The following UBXN7 variants were observed in gnomAD, a reference collection of about 807,000 sequenced individuals.
UBXN7 encodes the protein UBX domain protein 7, also known as UBX domain-containing protein 7.
UBXN7 carries 9 observed loss-of-function variants against 58.0 expected under a neutral mutation model. The observed-to-expected ratio is 0.16, with a 90% CI of 0.09 to 0.27. The LOEUF (loss-of-function observed/expected upper bound fraction) is 0.27. Ranked by LOEUF, UBXN7 falls within the 10% of genes least tolerant of loss-of-function variation. The pLI is 1.00. For missense variants in UBXN7, 328 were observed against 599.6 expected, an observed-to-expected ratio of 0.55 and a Z score of 4.73; for synonymous variants, 208 against 205.0, an observed-to-expected ratio of 1.01 and a Z score of -0.12.
intron 7 of UBXN7, 69 bp downstream of exon 7, chr3:196,369,352 A>G: frequency 3.3e-6 from 4 of 1,228,758 alleles, no homozygotes; most frequent in Non-Finnish European, 4.7e-6. Flanking sequence ...TCAAATATTA[A>G]AGATCAATCA....
At chr3:196,375,128 T>G (rs912461989) in intron 5 of UBXN7, among the ~76,000 whole-genome samples, 3 of 150,550 alleles carry the variant, frequency 2.0e-5, no homozygotes. Context: ...CTATACTTAA[T>G]AATATCGTAT....
At chr3:196,428,050 G>C (rs1730904581) in intron 1 of UBXN7, among the ~76,000 whole-genome samples, 1 of 152,206 alleles carries the variant, frequency 6.6e-6, no homozygotes, top group African/African-American at 2.4e-5. Flanking sequence ...CTTGAACCCA[G>C]GAGGCGGAGA....
At chr3:196,393,336 C>A (rs1729642558) in intron 4 of UBXN7, among the ~76,000 whole-genome samples, 1 of 152,152 alleles carries the variant, frequency 6.6e-6, no homozygotes, top group African/African-American at 2.4e-5. Flanking sequence ...TACCATATTT[C>A]CTACATTATC....
At chr3:196,401,703 A>C (rs2108851847) in intron 3 of UBXN7, among the ~76,000 whole-genome samples, 1 of 146,560 alleles carries the variant, frequency 6.8e-6, no homozygotes, top group Non-Finnish European at 1.5e-5. Context: ...TTGAGGCCAG[A>C]GGATCGCTTG....
intron 5 of UBXN7, among the ~76,000 whole-genome samples, chr3:196,385,931 T>C (rs1455314594): frequency 1.3e-5 from 2 of 152,134 alleles, no homozygotes; most frequent in Non-Finnish European, 2.9e-5. Context: ...TTTTGTCGAA[T>C]AGAAGGGGGG....
chr3:196,356,501 G>GA lies in UBXN7; in HGVS notation c.*183dup, dbSNP rs957812509. ...AGTGGGGAGCGAGAAAACAGAAGAG[G>GA]AGAAAGAAACAAAGGGGGAGAAAGA... On this transcript the variant is annotated 3_prime_UTR_variant, in exon 11 of 11. Transcript: ENST00000296328. 1.7e-6 allele frequency: 1 copy of GA among 596,108 alleles called. No homozygotes were observed. Among genetic ancestry groups the GA allele is most frequent in the African/African-American group, 1.9e-5 (1 of 51,596 alleles). 36.9% of individuals were successfully genotyped at this position (596,108 alleles called of 1,614,324 possible).
intron 3 of UBXN7, chr3:196,400,733 C>A: frequency 2.6e-6 from 1 of 378,764 alleles, no homozygotes; most frequent in Non-Finnish European, 5.1e-6. Context: ...GACTCCATTT[C>A]TGCAAAACAA....
chr3:196,428,935 G>C (rs796150152), intron 1 of UBXN7, among the ~76,000 whole-genome samples: 6 of 151,634 alleles, frequency 4.0e-5, no homozygotes, highest in African/African-American at 1.5e-4. Flanking sequence ...TACTGGGAGG[G>C]CTGAGGCAAG....
At chr3:196,401,296 T>TACACAC (rs1335891909) in intron 3 of UBXN7, among the ~76,000 whole-genome samples, 11 of 77,378 alleles carry the variant, frequency 1.4e-4, no homozygotes, top group South Asian at 3.8e-4. Context: ...TATATATATA[T>TACACAC]ATACACACAC....
At chr3:196,430,563 T>C (rs1730997872) in intron 1 of UBXN7, among the ~76,000 whole-genome samples, 1 of 152,008 alleles carries the variant, frequency 6.6e-6, no homozygotes, top group Non-Finnish European at 1.5e-5. Context: ...CATTTTCTTA[T>C]TTCTGTAGAG....
chr3:196,357,556 T>G (rs575885395), intron 10 of UBXN7, among the ~76,000 whole-genome samples: 15 of 152,234 alleles, frequency 9.9e-5, no homozygotes, highest in Admixed American at 7.2e-4. Context: ...GGGGACAGCT[T>G]GAGCACAGGA....
intron 1 of UBXN7, among the ~76,000 whole-genome samples, chr3:196,409,027 GATGT>G (rs1577469892): frequency 6.6e-6 from 1 of 152,206 alleles, no homozygotes; most frequent in African/African-American, 2.4e-5. Flanking sequence ...ACTCCAATTA[GATGT>G]ATGTTACAAC....
intron 5 of UBXN7, among the ~76,000 whole-genome samples, chr3:196,381,510 A>G (rs1485723083): frequency 6.6e-6 from 1 of 152,238 alleles, no homozygotes; most frequent in Non-Finnish European, 1.5e-5. Flanking sequence ...CCAAAGGTAG[A>G]TAAAACCGCA....
At chr3:196,369,083 C>T (rs1461290352) in intron 7 of UBXN7, among the ~76,000 whole-genome samples, 1 of 152,102 alleles carries the variant, frequency 6.6e-6, no homozygotes, top group Non-Finnish European at 1.5e-5. Context: ...CTCGGCCTCC[C>T]AAAGTGCTGG....
chr3:196,361,955 C>T (rs779126413), intron 9 of UBXN7, 32 bp from the exon 10 acceptor site: 37 of 1,134,602 alleles, frequency 3.3e-5, no homozygotes, highest in Non-Finnish European at 4.2e-5. Flanking sequence ...AAAAAAAAAA[C>T]GGGATACAGG....
intron 10 of UBXN7, among the ~76,000 whole-genome samples, chr3:196,357,495 G>A (rs571434906): frequency 1.2e-3 from 177 of 152,280 alleles, no homozygotes; most frequent in African/African-American, 3.7e-3. Context: ...AGAGGGTGTC[G>A]GGGCACGGTT....
chr3:196,402,477 G>T (rs915460284), intron 3 of UBXN7, among the ~76,000 whole-genome samples: 1 of 152,054 alleles, frequency 6.6e-6, no homozygotes, highest in Admixed American at 6.6e-5. Context: ...AATGCTTAAC[G>T]ATAAATTAAT....
chr3:196,382,539 A>G (rs1489620061), intron 5 of UBXN7, among the ~76,000 whole-genome samples: 2 of 152,232 alleles, frequency 1.3e-5, no homozygotes, highest in African/African-American at 4.8e-5. Context: ...AAAACATGCC[A>G]AATTGTAAAG....
intron 3 of UBXN7, among the ~76,000 whole-genome samples, chr3:196,401,858 A>AAG (rs1452487985): frequency 6.6e-6 from 1 of 151,148 alleles, no homozygotes; most frequent in African/African-American, 2.4e-5. Context: ...AAGAGAAGAG[A>AAG]AGAAAAACTA....
Sources: gnomAD v4.1 joint callset for allele counts (sites outside exome capture counted in the v4.1 genomes callset) on GRCh38, gnomAD v4.1.1 for gene constraint, MANE v1.5 for transcripts, NCBI Gene and HGNC (gene_info 2026-07-23, HGNC 2026-07-21) for gene names.